The following ITFG1 variants were observed in gnomAD, a reference collection of about 807,000 sequenced individuals.
The protein encoded by ITFG1 is integrin alpha FG-GAP repeat containing 1.
ITFG1 carries 34 observed loss-of-function variants against 81.8 expected under a neutral mutation model. The observed-to-expected ratio is 0.42, with a 90% CI of 0.32 to 0.55. ITFG1 has a LOEUF of 0.55. ITFG1 is among the 20% of genes least tolerant of loss of function. The pLI is 0.17. For synonymous variants in ITFG1, 285 were observed against 270.6 expected, an observed-to-expected ratio of 1.05 and a Z score of -0.52; for missense variants, 672 against 755.4, an observed-to-expected ratio of 0.89 and a Z score of 1.29.
intron 2 of ITFG1, among the ~76,000 whole-genome samples, chr16:47,458,850 G>A (rs887891112): frequency 3.3e-5 from 5 of 152,090 alleles, no homozygotes; most frequent in East Asian, 3.9e-4. Context: ...CGAGGGATAC[G>A]AGATTGCAAG....
chr16:47,449,429 T>C (rs1230152184), intron 5 of ITFG1: 1 of 152,242 alleles, frequency 6.6e-6, no homozygotes, highest in Non-Finnish European at 1.5e-5. Context: ...CATATTTTAG[T>C]AACATATTAA....
chr16:47,279,288 T>A (rs946250441), intron 10 of ITFG1, among the ~76,000 whole-genome samples: 1 of 152,206 alleles, frequency 6.6e-6, no homozygotes, highest in Admixed American at 6.5e-5. Flanking sequence ...AAGCTTGTAA[T>A]CTATTTTGAG....
chr16:47,371,437 A>G (rs1968252571), intron 7 of ITFG1, among the ~76,000 whole-genome samples: 1 of 152,180 alleles, frequency 6.6e-6, no homozygotes, highest in Non-Finnish European at 1.5e-5. Flanking sequence ...AAACCACTGA[A>G]GCAGTTAACC....
chr16:47,180,639 C>G (rs1448667101), intron 14 of ITFG1, among the ~76,000 whole-genome samples: 1 of 152,202 alleles, frequency 6.6e-6, no homozygotes, highest in African/African-American at 2.4e-5. Context: ...CCAGCCTCGG[C>G]CTCCCGAGGT....
At chr16:47,372,494 T>G (rs2151589555) in intron 7 of ITFG1, among the ~76,000 whole-genome samples, 1 of 152,148 alleles carries the variant, frequency 6.6e-6, no homozygotes, top group East Asian at 1.9e-4. Context: ...AGTCTTGCTC[T>G]GTTTCCCAGG....
chr16:47,371,165 G>A (rs548470732), intron 7 of ITFG1, among the ~76,000 whole-genome samples: 1 of 152,106 alleles, frequency 6.6e-6, no homozygotes, highest in Non-Finnish European at 1.5e-5. Context: ...ATGACTTAAG[G>A]GTAGAAAGTT....
chr16:47,175,806 G>T (rs143944924), intron 14 of ITFG1, among the ~76,000 whole-genome samples: 3 of 152,268 alleles, frequency 2.0e-5, no homozygotes, highest in East Asian at 3.9e-4. Context: ...GGAGTGCAGT[G>T]GTTAGTCACA....
chr16:47,163,647 T>C (rs1432665764), intron 14 of ITFG1, among the ~76,000 whole-genome samples: 3 of 152,228 alleles, frequency 2.0e-5, no homozygotes, highest in African/African-American at 4.8e-5. Context: ...TTTTCCTTTC[T>C]TTTGATTATG....
chr16:47,279,963 G>A (rs1211978634), intron 10 of ITFG1, among the ~76,000 whole-genome samples: 1 of 152,004 alleles, frequency 6.6e-6, no homozygotes, highest in Non-Finnish European at 1.5e-5. Context: ...TATTGATCTT[G>A]TATCCTGCCA....
At chr16:47,392,646 A>G (rs1339823577) in intron 6 of ITFG1, among the ~76,000 whole-genome samples, 4 of 152,184 alleles carry the variant, frequency 2.6e-5, no homozygotes, top group Non-Finnish European at 5.9e-5. Context: ...TAATTTATCA[A>G]TGAAGTGGGT....
At chr16:47,299,126 C>T (rs1221065961) in intron 10 of ITFG1, among the ~76,000 whole-genome samples, 1 of 152,156 alleles carries the variant, frequency 6.6e-6, no homozygotes, top group Admixed American at 6.5e-5. Flanking sequence ...GGAATGAGAT[C>T]TGCTACCTTT....
In ITFG1 at chr16:47,409,719, A is replaced by C. The variant is rs115413643; in HGVS notation, c.655+19085T>G. Reference sequence around the variant, plus strand: ...GGCGTGAGCCACTGCACCTGACCCCACAAAAAAAATTTTAAAACTTGTTTT... The same window carrying C: ...GGCGTGAGCCACTGCACCTGACCCCCCAAAAAAAATTTTAAAACTTGTTTT... On this transcript the variant is annotated intron_variant, in intron 6 of 17. Transcript: ENST00000320640. 8.5e-3 allele frequency among the ~76,000 whole-genome samples: 1,290 copies of C among 151,410 alleles called. 20 individuals are homozygous for C. The highest frequency in any genetic ancestry group is 0.03 in the African/African-American group (1,244 of 41,308).
intron 2 of ITFG1, among the ~76,000 whole-genome samples, chr16:47,455,279 T>C (rs1969437078): frequency 6.6e-6 from 1 of 152,046 alleles, no homozygotes; most frequent in South Asian, 2.1e-4. Context: ...AAGAAAACTT[T>C]GACTATTAAA....
intron 10 of ITFG1, among the ~76,000 whole-genome samples, chr16:47,297,328 G>C (rs1006854808): frequency 1.3e-5 from 2 of 152,130 alleles, no homozygotes; most frequent in Admixed American, 1.3e-4. Context: ...CAGCTGAGAG[G>C]ATTTCTTATA....
chr16:47,429,360 G>C (rs544483896), intron 5 of ITFG1, among the ~76,000 whole-genome samples: 54 of 152,308 alleles, frequency 3.5e-4, no homozygotes, highest in Non-Finnish European at 5.9e-5. Flanking sequence ...TTCATCTGAA[G>C]ATCTGGCTTG....
At chr16:47,426,750 T>C (rs1486459793) in intron 6 of ITFG1, among the ~76,000 whole-genome samples, 1 of 152,086 alleles carries the variant, frequency 6.6e-6, no homozygotes, top group Non-Finnish European at 1.5e-5. Context: ...GAAAATGTTG[T>C]AGCAAAAGTC....
chr16:47,191,549 C>T lies in ITFG1; in HGVS notation c.1453+27319G>A, dbSNP rs556578734. On this transcript the variant is annotated intron_variant, in intron 14 of 17. Transcript: ENST00000320640. ...GTGTTTTTTATTTCTAGCATTTTTT[C>T]CATCAGAGCTCTTAGCATATTAATC... is the stretch of plus-strand genomic sequence containing the variant. Among the ~76,000 whole-genome samples, 7 of 152,200 alleles carry T rather than the reference C, an allele frequency of 4.6e-5. No homozygotes were observed. In the South Asian group the frequency reaches 1.0e-3, roughly 22 times the overall value.
intron 7 of ITFG1, among the ~76,000 whole-genome samples, chr16:47,369,857 T>TTTTTTA (rs1968227894): frequency 1.0e-5 from 1 of 97,032 alleles, no homozygotes; most frequent in African/African-American, 3.5e-5. Flanking sequence ...TTTTTTTTTT[T>TTTTTTA]GAGATGGAGT....
chr16:47,169,500 G>C (rs1038225078), intron 14 of ITFG1, among the ~76,000 whole-genome samples: 1 of 151,432 alleles, frequency 6.6e-6, no homozygotes, highest in Non-Finnish European at 1.5e-5. Context: ...TTCTTTGCTG[G>C]TATATGGAAA....
Sources: allele counts gnomAD v4.1 joint callset (sites outside exome capture counted in the v4.1 genomes callset), GRCh38; gene constraint gnomAD v4.1.1; transcripts MANE v1.5; gene names NCBI Gene and HGNC (gene_info 2026-07-23, HGNC 2026-07-21).